The following FAM163A variants were observed in gnomAD, a reference collection of about 807,000 sequenced individuals.
FAM163A encodes protein FAM163A.
Under a neutral mutation model 12.0 loss-of-function variants are expected in FAM163A, and 7 were observed. The ratio of observed to expected loss-of-function variants is 0.58; its 90% confidence interval spans 0.33 to 1.10. The LOEUF is 1.10. Ranked by LOEUF, FAM163A falls within the 50% of genes least tolerant of loss-of-function variation. The probability of loss-of-function intolerance (pLI) is 0.03; values close to 1 mark genes in which losing one functional copy is unlikely to be tolerated. For missense variants in FAM163A, 202 were observed against 218.6 expected (o/e 0.92, Z 0.48); for synonymous variants, 101 against 91.0 (o/e 1.11, Z -0.62).
chr1:179,741,191 A>G (rs1683590214), upstream of FAM163A, among the ~76,000 whole-genome samples: 1 of 152,238 alleles, frequency 6.6e-6, no homozygotes, highest in Non-Finnish European at 1.5e-5. Flanking sequence ...GAAGTGCCCA[A>G]TTTCATTGGT....
intron 1 of FAM163A, among the ~76,000 whole-genome samples, chr1:179,753,920 G>A (rs2504049): frequency 0.27 from 41,764 of 152,034 alleles, 5,956 homozygotes; most frequent in South Asian, 0.42. Flanking sequence ...ACCCCACAAA[G>A]TTGTAGATGG....
At chr1:179,776,538 T>C (rs1249082434) in intron 1 of FAM163A, among the ~76,000 whole-genome samples, 1 of 151,032 alleles carries the variant, frequency 6.6e-6, no homozygotes, top group East Asian at 1.9e-4. Context: ...TTTACTGCCG[T>C]AGCATTCACT....
chr1:179,742,101 G>A (rs373359225), upstream of FAM163A: 2 of 152,218 alleles, frequency 1.3e-5, no homozygotes, highest in African/African-American at 4.8e-5. Flanking sequence ...CCTGTGAGTA[G>A]AGTTAGAGTA....
upstream of FAM163A, among the ~76,000 whole-genome samples, chr1:179,740,266 A>G (rs1683477550): frequency 6.6e-6 from 1 of 151,562 alleles, no homozygotes; most frequent in African/African-American, 2.4e-5. Flanking sequence ...GCAGCCTCCA[A>G]CTCCTGGGTT....
the FAM163A span, among the ~76,000 whole-genome samples, chr1:179,734,283 A>G: frequency 4.6e-5 from 7 of 152,324 alleles, no homozygotes; most frequent in Admixed American, 2.6e-4. Flanking sequence ...AGGCTTAATA[A>G]TCTGGCTCCT....
chr1:179,736,915 C>T, the FAM163A span, among the ~76,000 whole-genome samples: 1 of 152,136 alleles, frequency 6.6e-6, no homozygotes, highest in Non-Finnish European at 1.5e-5. Context: ...TAAAATGGTA[C>T]AGCTGCTGCG....
the FAM163A span, among the ~76,000 whole-genome samples, chr1:179,735,252 T>G: frequency 6.6e-6 from 1 of 152,172 alleles, no homozygotes; most frequent in African/African-American, 2.4e-5. Flanking sequence ...CTAAAAAGAT[T>G]GGATAAAATA....
chr1:179,740,923 A>G (rs1412367993), upstream of FAM163A, among the ~76,000 whole-genome samples: 1 of 151,468 alleles, frequency 6.6e-6, no homozygotes, highest in Admixed American at 6.6e-5. Context: ...ATCTCTCTGT[A>G]TTATTTCTTA....
chr1:179,734,757 C>T, the FAM163A span, among the ~76,000 whole-genome samples: 44 of 152,284 alleles, frequency 2.9e-4, 1 homozygote, highest in African/African-American at 1.1e-3. Context: ...CATAAACATT[C>T]AGTCCATTGC....
At chr1:179,782,031 C>T (rs761794698) in intron 1 of FAM163A, among the ~76,000 whole-genome samples, 2 of 151,922 alleles carry the variant, frequency 1.3e-5, no homozygotes, top group Non-Finnish European at 2.9e-5. Context: ...CTATCAGGGC[C>T]GGCTTGGGAG....
At chr1:179,732,088 G>A in the FAM163A span, among the ~76,000 whole-genome samples, 2 of 152,138 alleles carry the variant, frequency 1.3e-5, no homozygotes, top group Non-Finnish European at 2.9e-5. Context: ...GCCTATTTCC[G>A]GTAGCTAAAA....
intron 1 of FAM163A, among the ~76,000 whole-genome samples, chr1:179,802,835 T>C (rs1693372873): frequency 1.3e-5 from 2 of 152,158 alleles, no homozygotes; most frequent in East Asian, 3.9e-4. Flanking sequence ...CATCTCTTTT[T>C]TGTGAGCCTT....
intron 1 of FAM163A, among the ~76,000 whole-genome samples, chr1:179,800,582 G>C (rs1199061246): frequency 6.6e-6 from 1 of 152,212 alleles, no homozygotes. Context: ...GGACACTGGG[G>C]GTCCTGAAAC....
intron 1 of FAM163A, among the ~76,000 whole-genome samples, chr1:179,766,259 T>C (rs886668931): frequency 3.9e-5 from 6 of 152,198 alleles, no homozygotes; most frequent in Non-Finnish European, 8.8e-5. Flanking sequence ...TTAACCTAAC[T>C]TGCCCTCCGC....
In FAM163A at chr1:179,777,229, G is replaced by A. The variant is rs551914248; in HGVS notation, c.-135-30569G>A. ...TCTTCTGGGTATACACCTAAGAATG[G>A]TAATCTTCTTAAATTTTTGCCCAAA... On this transcript the variant is annotated intron_variant, in intron 1 of 4. Transcript: ENST00000341785. Among the ~76,000 whole-genome samples, 20 of 152,218 alleles carry A rather than the reference G, an allele frequency of 1.3e-4. No individual in the cohort carries two copies. In the South Asian group the frequency reaches 4.1e-3, roughly 32 times the overall value.
chr1:179,813,832 G>A lies in FAM163A; in HGVS notation c.147G>A (p.Arg49=). Residue 49 remains arginine (R), a synonymous_variant, in exon 5 of 5, where the codon CGG becomes CGA. Transcript: ENST00000341785. ...GTEVADEEEE[R]EHDLPTHPRG... is the part of the protein sequence containing the mutation. ...AGGTTGCAGACGAGGAGGAGGAGCG[G>A]GAGCACGACCTTCCCACGCATCCCA... 1 of 1,613,998 alleles carries A rather than the reference G, an allele frequency of 6.2e-7. No individual in the cohort carries two copies. The highest frequency in any genetic ancestry group is 8.5e-7 in the Non-Finnish European group (1 of 1,180,026).
intron 1 of FAM163A, among the ~76,000 whole-genome samples, chr1:179,784,539 C>A (rs1247225645): frequency 6.6e-6 from 1 of 152,170 alleles, no homozygotes; most frequent in African/African-American, 2.4e-5. Flanking sequence ...GTGTAACCTT[C>A]AATAGTCCCT....
At chr1:179,747,699 C>T (rs1044223445) in intron 1 of FAM163A, among the ~76,000 whole-genome samples, 6 of 152,310 alleles carry the variant, frequency 3.9e-5, no homozygotes, top group African/African-American at 9.6e-5. Context: ...GCAGCACAGG[C>T]GCAACTGCAT....
the FAM163A span, among the ~76,000 whole-genome samples, chr1:179,732,132 A>T: frequency 6.6e-6 from 1 of 152,254 alleles, no homozygotes; most frequent in African/African-American, 2.4e-5. Context: ...TATTTTGTTA[A>T]ATCATTCTTC....
Sources: gnomAD v4.1 joint callset for allele counts (sites outside exome capture counted in the v4.1 genomes callset) on GRCh38, gnomAD v4.1.1 for gene constraint, MANE v1.5 for transcripts, NCBI Gene and HGNC (gene_info 2026-07-23, HGNC 2026-07-21) for gene names.